Variants in ERICH3 observed in about 807,000 individuals in gnomAD.
ERICH3 encodes glutamate rich 3.
ERICH3 carries 126 observed loss-of-function variants against 131.1 expected under a neutral mutation model. That is an observed-to-expected ratio of 0.96 (90% CI 0.83 to 1.11). The LOEUF is 1.11. ERICH3 is among the 50% of genes most tolerant of loss of function. The pLI, the probability that ERICH3 is intolerant of heterozygous loss-of-function variation, is 0.00. For missense variants in ERICH3, 2,050 were observed against 1,810.7 expected, an observed-to-expected ratio of 1.13 and a Z score of -2.40; for synonymous variants, 695 against 644.6, an observed-to-expected ratio of 1.08 and a Z score of -1.18.
rs1212644905 is a variant in ERICH3 at position 74,620,768 on chromosome 1, G to T, written c.966C>A (p.Asn322Lys). The T allele has an allele frequency of 6.2e-7, 1 of 1,610,228 alleles. No homozygotes were observed. The highest frequency in any genetic ancestry group is 1.1e-5 in the South Asian group (1 of 89,972). Residue 322 changes from asparagine (N) to lysine (K), a missense_variant, in exon 8 of 15, where the codon AAC (asparagine) becomes AAA (lysine). Transcript: ENST00000326665. Reference sequence around the variant, plus strand: ...GTAGTTTGCCTTTGTAGACACAAAGGTTTTCCCCACCACAGTGCTGCTGAT... The same window carrying T: ...GTAGTTTGCCTTTGTAGACACAAAGTTTTTCCCCACCACAGTGCTGCTGAT... ...KVYQQHCGGE[N>K]LCVYKGKLLE...
chr1:74,631,947 G>A lies in ERICH3; in HGVS notation c.604-19C>T, dbSNP rs372941346. On this transcript the variant is annotated intron_variant, in intron 6 of 14. Coordinates refer to ENST00000326665, the MANE Select transcript of ERICH3 (RefSeq NM_001002912.5). ...TCTTGCCCTGTAATCATATTTCATC[G>A]CATAAGAACCAGTGAAACAGAATCA... 293 of 1,595,566 alleles carry A rather than the reference G, an allele frequency of 1.8e-4. No individual in the cohort carries two copies. Among genetic ancestry groups the A allele is most frequent in the Non-Finnish European group, 2.3e-4 (264 of 1,166,208 alleles).
intron 1 of ERICH3, among the ~76,000 whole-genome samples, chr1:74,663,611 C>A (rs1221447648): frequency 2.1e-5 from 3 of 144,012 alleles, no homozygotes; most frequent in Non-Finnish European, 3.0e-5. Flanking sequence ...GGTGTCCTTC[C>A]TGATTTTTGT....
chr1:74,661,284 G>A lies in ERICH3; in HGVS notation c.24-11969C>T, dbSNP rs72968121. Among the ~76,000 whole-genome samples, 1,153 of 152,150 alleles carry A rather than the reference G, an allele frequency of 7.6e-3. 9 individuals carry two copies. The highest frequency in any genetic ancestry group is 0.013 in the African/African-American group (535 of 41,548). The stretch of plus-strand genomic sequence containing the variant: ...CTTTCTACCATTTGTCAATGTCAAA[G>A]CAATGATGCAGTTTCATGAGTTTGT... On this transcript the variant is annotated intron_variant, in intron 1 of 14. Transcript: ENST00000326665.
At chr1:74,594,949 T>A (rs777213240) in intron 11 of ERICH3, among the ~76,000 whole-genome samples, 10 of 152,118 alleles carry the variant, frequency 6.6e-5, no homozygotes, top group Non-Finnish European at 1.0e-4. Flanking sequence ...CTAAAATGAG[T>A]AAATTAAGTT....
At chr1:74,580,897 A>C (rs1460720145) in intron 12 of ERICH3, among the ~76,000 whole-genome samples, 2 of 152,172 alleles carry the variant, frequency 1.3e-5, no homozygotes, top group South Asian at 2.1e-4. Flanking sequence ...CCCAATAAGT[A>C]GTTTTTCAAT....
rs112410129 is a variant in ERICH3 at position 74,617,157 on chromosome 1, A to G, written c.1000+3577T>C. 7.8e-3 allele frequency among the ~76,000 whole-genome samples: 991 copies of G among 126,412 alleles called. 6 individuals carry two copies. The highest frequency in any genetic ancestry group is 0.032 in the African/African-American group (939 of 28,988). The allele number at this position is 126,412 out of a possible 152,430, so 82.9% of individuals were successfully genotyped here. ...TTTAATTTTGGTAAGTTACTAAAAA[A>G]AACAACAAAAAACAAACAAAAAAAA... On this transcript the variant is annotated intron_variant, in intron 8 of 14. Coordinates refer to ENST00000326665, the MANE Select transcript of ERICH3 (RefSeq NM_001002912.5).
intron 1 of ERICH3, among the ~76,000 whole-genome samples, chr1:74,653,650 A>G (rs137913004): frequency 1.8e-4 from 27 of 152,226 alleles, no homozygotes; most frequent in African/African-American, 6.0e-4. Flanking sequence ...ATATCTAACT[A>G]TTACAGCTCT....
chr1:74,664,446 A>G (rs1646670619), intron 1 of ERICH3, among the ~76,000 whole-genome samples: 1 of 152,166 alleles, frequency 6.6e-6, no homozygotes, highest in Non-Finnish European at 1.5e-5. Flanking sequence ...TCTTGGAGCA[A>G]GCAATGAAGA....
intron 9 of ERICH3, among the ~76,000 whole-genome samples, chr1:74,607,610 AT>A (rs1648465805): frequency 6.6e-6 from 1 of 151,886 alleles, no homozygotes; most frequent in South Asian, 2.1e-4. Context: ...TCTTCTGGTG[AT>A]TTTTGCTGGT....
chr1:74,612,039 G>A (rs991760976), intron 9 of ERICH3, among the ~76,000 whole-genome samples: 3 of 152,144 alleles, frequency 2.0e-5, no homozygotes, highest in African/African-American at 7.2e-5. Flanking sequence ...CCACAAGCAA[G>A]ACTCCTGATT....
intron 10 of ERICH3, 24 bp from the exon 11 acceptor site, chr1:74,599,955 TA>T: frequency 1.3e-6 from 2 of 1,547,548 alleles, no homozygotes; most frequent in Admixed American, 3.6e-5. Flanking sequence ...ATCTCCACTA[TA>T]AGAATGAAAA....
At chr1:74,610,131 A>G (rs1294371334) in intron 9 of ERICH3, among the ~76,000 whole-genome samples, 2 of 151,894 alleles carry the variant, frequency 1.3e-5, no homozygotes, top group Non-Finnish European at 1.5e-5. Context: ...AGGAGACAGC[A>G]TATTTGAGTT....
At chr1:74,618,183 G>A (rs527635364) in intron 8 of ERICH3, among the ~76,000 whole-genome samples, 3 of 152,148 alleles carry the variant, frequency 2.0e-5, no homozygotes, top group South Asian at 2.1e-4. Context: ...ATTAAAAACC[G>A]TTAATATAAG....
At chr1:74,628,237 C>A (rs547634621) in intron 7 of ERICH3, among the ~76,000 whole-genome samples, 1 of 152,076 alleles carries the variant, frequency 6.6e-6, no homozygotes, top group Non-Finnish European at 1.5e-5. Context: ...TCGTGTTTAG[C>A]GTAATACTGT....
chr1:74,581,598 T>G (rs1022883014), intron 12 of ERICH3, among the ~76,000 whole-genome samples: 1 of 152,202 alleles, frequency 6.6e-6, no homozygotes, highest in Non-Finnish European at 1.5e-5. Flanking sequence ...TTTATTGCAC[T>G]GTTATCATTT....
At chr1:74,617,913 G>T (rs966314889) in intron 8 of ERICH3, among the ~76,000 whole-genome samples, 2 of 152,130 alleles carry the variant, frequency 1.3e-5, no homozygotes, top group African/African-American at 2.4e-5. Flanking sequence ...TAAGAAACAG[G>T]GCTGAGTGTG....
Position 74,572,890 on chromosome 1 carries a change from A to G in ERICH3, c.2820T>C (p.Ser940=). 6.2e-7 allele frequency: 1 copy of G among 1,612,712 alleles called. No homozygotes were observed. The highest frequency in any genetic ancestry group is 8.5e-7 in the Non-Finnish European group (1 of 1,179,704). ...EGEAEGGVAV[S]DVGESEEEAS... is the part of the protein sequence containing the mutation. The stretch of plus-strand genomic sequence containing the variant: ...CTTCCTCTTCACTTTCTCCGACATC[A>G]CTCACAGCCACCCCACCCTCAGCCT... Residue 940 remains serine (S), a synonymous_variant, in exon 14 of 15, where the codon AGT becomes AGC. Transcript: ENST00000326665.
intron 11 of ERICH3, among the ~76,000 whole-genome samples, chr1:74,595,563 T>C (rs1051283775): frequency 6.6e-6 from 1 of 152,098 alleles, no homozygotes; most frequent in Non-Finnish European, 1.5e-5. Flanking sequence ...TGTTAAAATA[T>C]TTATAATACA....
Position 74,571,359 on chromosome 1 carries a change from C to A in ERICH3, c.4351G>T (p.Gly1451Trp). 6.2e-7 allele frequency: 1 copy of A among 1,614,052 alleles called. No homozygotes were observed. The highest frequency in any genetic ancestry group is 8.5e-7 in the Non-Finnish European group (1 of 1,180,020). The part of the protein sequence containing the change: ...TSGLGQEQEE[G>W]SEGQEAATGS... ...GTGGCTGCCTCCTGGCCCTCTGACCCTTCCTCTTGCTCCTGTCCTAGCCCT... is the reference window on the plus strand; with the variant it reads ...GTGGCTGCCTCCTGGCCCTCTGACCATTCCTCTTGCTCCTGTCCTAGCCCT... The change falls in exon 14 of 15, where the codon GGG (glycine) becomes TGG (tryptophan). Residue 1451 changes from glycine to tryptophan, a missense_variant. By Grantham distance (184) the Gly-to-Trp change is radical (BLOSUM62 -2). Coordinates refer to ENST00000326665, the MANE Select transcript of ERICH3 (RefSeq NM_001002912.5).
Sources: gnomAD v4.1 joint callset for allele counts (sites outside exome capture counted in the v4.1 genomes callset) on GRCh38, gnomAD v4.1.1 for gene constraint, MANE v1.5 for transcripts, NCBI Gene and HGNC (gene_info 2026-07-23, HGNC 2026-07-21) for gene names.